Variants in PABPC4L observed in about 807,000 individuals in gnomAD.
The protein encoded by PABPC4L is polyadenylate-binding protein 4-like.
For missense variants in PABPC4L, 452 were observed against 451.4 expected (o/e 1.00, Z -0.01); for synonymous variants, 169 against 164.1 (o/e 1.03, Z -0.23).
chr4:134,125,960 G>A, the PABPC4L span, among the ~76,000 whole-genome samples: 3 of 152,262 alleles, frequency 2.0e-5, no homozygotes, highest in South Asian at 4.1e-4. Context: ...ACTGCAGGGT[G>A]TGGTGCCTTG....
chr4:134,048,612 A>G, the PABPC4L span, among the ~76,000 whole-genome samples: 2 of 152,032 alleles, frequency 1.3e-5, no homozygotes, highest in Admixed American at 1.3e-4. Flanking sequence ...TACATTTGGG[A>G]TTGTTTATTA....
At chr4:134,052,469 C>A in the PABPC4L span, among the ~76,000 whole-genome samples, 1 of 151,888 alleles carries the variant, frequency 6.6e-6, no homozygotes, top group Non-Finnish European at 1.5e-5. Flanking sequence ...ATAATTTAAT[C>A]TTTCACTTTT....
chr4:134,012,657 T>C, the PABPC4L span, among the ~76,000 whole-genome samples: 1 of 152,186 alleles, frequency 6.6e-6, no homozygotes, highest in African/African-American at 2.4e-5. Context: ...GGACCTCCCT[T>C]GGGAGATCAA....
the PABPC4L span, among the ~76,000 whole-genome samples, chr4:134,150,238 C>T: frequency 1.1e-4 from 17 of 151,940 alleles, no homozygotes; most frequent in Admixed American, 2.0e-4. Context: ...CGCCCACCAC[C>T]ATGCTCGGCT....
the PABPC4L span, among the ~76,000 whole-genome samples, chr4:134,069,594 A>G: frequency 4.6e-5 from 7 of 152,216 alleles, no homozygotes; most frequent in South Asian, 1.5e-3. Context: ...TTCTTTCCTC[A>G]GCTTGGTCAA....
the PABPC4L span, among the ~76,000 whole-genome samples, chr4:134,026,717 A>G: frequency 5.9e-5 from 9 of 152,178 alleles, no homozygotes; most frequent in Non-Finnish European, 1.3e-4. Flanking sequence ...ATGAAGTTAA[A>G]GTGAGGTCAT....
chr4:133,999,542 A>C, the PABPC4L span, among the ~76,000 whole-genome samples: 2 of 152,100 alleles, frequency 1.3e-5, no homozygotes, highest in East Asian at 3.9e-4. Context: ...TCATCAGTAG[A>C]TTTCACAAAT....
the PABPC4L span, among the ~76,000 whole-genome samples, chr4:134,063,509 A>T: frequency 6.6e-6 from 1 of 152,066 alleles, no homozygotes; most frequent in African/African-American, 2.4e-5. Flanking sequence ...AAAAAATAGT[A>T]TAAAGACAAT....
the PABPC4L span, among the ~76,000 whole-genome samples, chr4:134,181,465 A>G: frequency 6.6e-6 from 1 of 152,060 alleles, no homozygotes; most frequent in Admixed American, 6.6e-5. Flanking sequence ...GGAACAAAAC[A>G]AGGTTGCCCT....
chr4:133,992,685 C>A, the PABPC4L span, among the ~76,000 whole-genome samples: 3 of 152,086 alleles, frequency 2.0e-5, no homozygotes, highest in Admixed American at 6.6e-5. Context: ...GTAGCAGGTA[C>A]GGGTTGCAGA....
At chr4:134,156,232 A>T in the PABPC4L span, among the ~76,000 whole-genome samples, 4 of 151,966 alleles carry the variant, frequency 2.6e-5, no homozygotes, top group African/African-American at 9.7e-5. Flanking sequence ...GACCTAAGGG[A>T]TCACAGCCTG....
the PABPC4L span, among the ~76,000 whole-genome samples, chr4:134,153,392 C>G: frequency 7.3e-5 from 11 of 151,364 alleles, no homozygotes; most frequent in Non-Finnish European, 8.8e-5. Context: ...ACCAATAGAC[C>G]AAGAATATTT....
At chr4:133,993,669 G>T in the PABPC4L span, among the ~76,000 whole-genome samples, 1 of 152,174 alleles carries the variant, frequency 6.6e-6, no homozygotes, top group African/African-American at 2.4e-5. Context: ...TGTTTAGCTA[G>T]TCTTTGGGTT....
chr4:134,007,935 A>C, the PABPC4L span, among the ~76,000 whole-genome samples: 1 of 151,940 alleles, frequency 6.6e-6, no homozygotes, highest in Non-Finnish European at 1.5e-5. Flanking sequence ...AAAGAGAAAT[A>C]GTAAATCTCA....
chr4:134,028,890 C>A, the PABPC4L span, among the ~76,000 whole-genome samples: 1 of 152,042 alleles, frequency 6.6e-6, no homozygotes, highest in Non-Finnish European at 1.5e-5. Flanking sequence ...TTATTTTTGT[C>A]ACTATTTCAA....
the PABPC4L span, among the ~76,000 whole-genome samples, chr4:134,127,408 C>T: frequency 6.6e-6 from 1 of 152,130 alleles, no homozygotes; most frequent in African/African-American, 2.4e-5. Flanking sequence ...CTTCACTCCA[C>T]TGCTACCTCC....
At chr4:133,979,536 A>G in the PABPC4L span, among the ~76,000 whole-genome samples, 1 of 152,268 alleles carries the variant, frequency 6.6e-6, no homozygotes, top group African/African-American at 2.4e-5. Flanking sequence ...TCTTCACTAT[A>G]GGACTGTGCA....
At chr4:134,036,602 C>T in the PABPC4L span, among the ~76,000 whole-genome samples, 1 of 151,986 alleles carries the variant, frequency 6.6e-6, no homozygotes, top group Non-Finnish European at 1.5e-5. Context: ...TTTTAATCTC[C>T]ATTTTACCAA....
At chr4:134,130,788 A>C in the PABPC4L span, among the ~76,000 whole-genome samples, 2,025 of 152,230 alleles carry the variant, frequency 0.013, 21 homozygotes, top group Non-Finnish European at 0.018. Flanking sequence ...AGCTAACTGA[A>C]TCCAACAGCA....
Sources: gnomAD v4.1 joint callset for allele counts (sites outside exome capture counted in the v4.1 genomes callset) on GRCh38, gnomAD v4.1.1 for gene constraint, MANE v1.5 for transcripts, NCBI Gene and HGNC (gene_info 2026-07-23, HGNC 2026-07-21) for gene names.